Variants in IL20RB observed in about 807,000 individuals in gnomAD.
IL20RB encodes the protein interleukin 20 receptor subunit beta.
Under a neutral mutation model 33.3 loss-of-function variants are expected in IL20RB, and 21 were observed. That is an observed-to-expected ratio of 0.63 (90% CI 0.45 to 0.91). The LOEUF (loss-of-function observed/expected upper bound fraction) is 0.91, where lower values mean the gene tolerates loss of function less well. Ranked by LOEUF, IL20RB falls within the 40% of genes least tolerant of loss-of-function variation. The probability of loss-of-function intolerance (pLI) is 0.00; values close to 1 mark genes in which losing one functional copy is unlikely to be tolerated. For missense variants in IL20RB, 345 were observed against 384.8 expected (o/e 0.90, Z 0.86); for synonymous variants, 147 against 146.8 (o/e 1.00, Z -0.01).
intron 1 of IL20RB, among the ~76,000 whole-genome samples, chr3:136,970,158 TCA>T (rs1941435766): frequency 6.6e-6 from 1 of 151,980 alleles, no homozygotes; most frequent in East Asian, 1.9e-4. Flanking sequence ...AATGCCTCAA[TCA>T]CAGCTCACTG....
At chr3:136,975,812 T>C (rs1941603517) in intron 1 of IL20RB, among the ~76,000 whole-genome samples, 2 of 152,286 alleles carry the variant, frequency 1.3e-5, no homozygotes, top group African/African-American at 4.8e-5. Flanking sequence ...CCTGTCCGTG[T>C]TTCCCAGGGT....
At chr3:136,976,627 G>A (rs1165042248) in intron 1 of IL20RB, among the ~76,000 whole-genome samples, 1 of 152,190 alleles carries the variant, frequency 6.6e-6, no homozygotes, top group Non-Finnish European at 1.5e-5. Context: ...TGCAGCCCAT[G>A]CCTCATTTGA....
intron 1 of IL20RB, among the ~76,000 whole-genome samples, chr3:136,966,170 G>T (rs1337719780): frequency 7.0e-6 from 1 of 142,688 alleles, no homozygotes; most frequent in Non-Finnish European, 1.5e-5. Flanking sequence ...TTTTTGTTGT[G>T]TCTCTGCCTG....
At chr3:136,985,963 G>C (rs1419803160) in intron 3 of IL20RB, among the ~76,000 whole-genome samples, 1 of 152,148 alleles carries the variant, frequency 6.6e-6, no homozygotes, top group African/African-American at 2.4e-5. Flanking sequence ...TGTAAAACAG[G>C]AACAATGTTA....
intron 1 of IL20RB, among the ~76,000 whole-genome samples, chr3:136,979,217 C>T (rs1445218452): frequency 6.6e-6 from 1 of 152,036 alleles, no homozygotes; most frequent in Non-Finnish European, 1.5e-5. Context: ...GGTGTTTCCC[C>T]ACAGAACAGA....
chr3:136,982,391 C>T, intron 3 of IL20RB, 41 bp downstream of exon 3: 1 of 1,408,338 alleles, frequency 7.1e-7, no homozygotes, highest in South Asian at 1.4e-5. Context: ...CCAACCAGCC[C>T]CTCCTTTAGG....
At chr3:137,006,064 C>A (rs893481793) in intron 6 of IL20RB, among the ~76,000 whole-genome samples, 2 of 152,146 alleles carry the variant, frequency 1.3e-5, no homozygotes, top group Admixed American at 1.3e-4. Flanking sequence ...GTTGAAAATT[C>A]TTTTCTTTAA....
At chr3:137,001,069 C>A (rs775174900) in intron 6 of IL20RB, among the ~76,000 whole-genome samples, 10 of 152,092 alleles carry the variant, frequency 6.6e-5, no homozygotes, top group Non-Finnish European at 1.3e-4. Context: ...GCTAAGATCT[C>A]CTAGGAATCC....
At chr3:137,007,949 C>A (rs9875855) in intron 6 of IL20RB, among the ~76,000 whole-genome samples, 48,673 of 151,788 alleles carry the variant, frequency 0.32, 8,714 homozygotes, top group Middle Eastern at 0.46. Context: ...AAATCTAAAG[C>A]AAAACTATAT....
At chr3:136,958,278 G>C in intron 1 of IL20RB, 77 bp downstream of exon 1, 2 of 845,790 alleles carry the variant, frequency 2.4e-6, no homozygotes, top group Non-Finnish European at 4.0e-6. Flanking sequence ...CTTTCCCAGG[G>C]CCTGGGGTTG....
intron 6 of IL20RB, among the ~76,000 whole-genome samples, chr3:137,006,167 A>G (rs1942345974): frequency 6.6e-6 from 1 of 152,202 alleles, no homozygotes; most frequent in South Asian, 2.1e-4. Flanking sequence ...TTTGTGGGTA[A>G]CTTGACCTTT....
At chr3:136,975,016 T>C (rs1941581323) in intron 1 of IL20RB, among the ~76,000 whole-genome samples, 1 of 152,204 alleles carries the variant, frequency 6.6e-6, no homozygotes. Flanking sequence ...GAATTGTTTT[T>C]CTGATTTCTT....
At chr3:137,002,196 C>G (rs1354747776) in intron 6 of IL20RB, among the ~76,000 whole-genome samples, 1 of 152,056 alleles carries the variant, frequency 6.6e-6, no homozygotes, top group Non-Finnish European at 1.5e-5. Flanking sequence ...TGGGTTGGTT[C>G]CAAGTCTTTG....
chr3:136,999,523 T>C (rs984958124), intron 6 of IL20RB, among the ~76,000 whole-genome samples: 4 of 151,890 alleles, frequency 2.6e-5, no homozygotes, highest in Admixed American at 2.6e-4. Context: ...TTAACAGATA[T>C]GAGCCACTGC....
intron 1 of IL20RB, among the ~76,000 whole-genome samples, chr3:136,963,762 A>ATGTACATATGTATGTATGTTTTAGGG (rs1941298124): frequency 8.9e-6 from 1 of 112,866 alleles, no homozygotes; most frequent in African/African-American, 3.5e-5. Context: ...TTACATATGT[A>ATGTACATATGTATGTATGTTTTAGGG]TACATGTGCC....
intron 6 of IL20RB, among the ~76,000 whole-genome samples, chr3:136,999,120 A>G (rs998302678): frequency 6.6e-6 from 1 of 152,010 alleles, no homozygotes; most frequent in African/African-American, 2.4e-5. Flanking sequence ...TTTTAGAGAC[A>G]GGGTCTCACT....
chr3:136,977,035 G>A (rs1304319542), intron 1 of IL20RB, among the ~76,000 whole-genome samples: 1 of 152,172 alleles, frequency 6.6e-6, no homozygotes, highest in Non-Finnish European at 1.5e-5. Flanking sequence ...TAGCCAAGCA[G>A]GCTGCCTCTC....
At chr3:136,970,816 C>G (rs1941460669) in intron 1 of IL20RB, among the ~76,000 whole-genome samples, 1 of 151,796 alleles carries the variant, frequency 6.6e-6, no homozygotes, top group South Asian at 2.1e-4. Flanking sequence ...CCACACCAGG[C>G]TAATTTTTTG....
At position 136,989,467 on chromosome 3, in the gene IL20RB, A is replaced by G. The variant is rs1463189760; in HGVS notation, c.433A>G (p.Ile145Val). The G allele has an allele frequency of 6.2e-7, 1 of 1,613,834 alleles. No homozygotes were observed. Among genetic ancestry groups the G allele is most frequent in the Non-Finnish European group, 8.5e-7 (1 of 1,179,856 alleles). Residue 145 changes from isoleucine (I) to valine (V), a missense_variant, in exon 4 of 7, where the codon ATC becomes GTC. Transcript: ENST00000329582. ...STILTRPGMEITKDGFHLVIE... is the reference protein window; with the variant it reads ...STILTRPGMEVTKDGFHLVIE... ...CATCCTTACCCGACCTGGGATGGAG[A>G]TCACCAAAGATGGCTTCCACCTGGT...
Sources: gnomAD v4.1 joint callset for allele counts (sites outside exome capture counted in the v4.1 genomes callset) on GRCh38, gnomAD v4.1.1 for gene constraint, MANE v1.5 for transcripts, NCBI Gene and HGNC (gene_info 2026-07-23, HGNC 2026-07-21) for gene names.